Variants in HPSE2 observed in about 807,000 individuals in gnomAD.
HPSE2 encodes heparanase 2 (inactive).
HPSE2 carries 38 observed loss-of-function variants against 60.5 expected under a neutral mutation model. The ratio of observed to expected loss-of-function variants is 0.63; its 90% CI spans 0.48 to 0.82. The LOEUF (loss-of-function observed/expected upper bound fraction) is 0.82. Among genes scored for constraint, HPSE2 ranks in the 40% least tolerant of loss-of-function variants. HPSE2 has a pLI of 0.00. For missense variants in HPSE2, 713 were observed against 740.4 expected, an observed-to-expected ratio of 0.96 and a Z score of 0.43; for synonymous variants, 295 against 293.2, an observed-to-expected ratio of 1.01 and a Z score of -0.06.
chr10:99,180,934 G>C (rs1182100798), intron 2 of HPSE2, among the ~76,000 whole-genome samples: 1 of 149,764 alleles, frequency 6.7e-6, no homozygotes, highest in African/African-American at 2.5e-5. Flanking sequence ...ATGCTGGAGA[G>C]GATGTGGAGA....
At chr10:99,300,988 T>C in the HPSE2 span, among the ~76,000 whole-genome samples, 1 of 152,206 alleles carries the variant, frequency 6.6e-6, no homozygotes, top group Admixed American at 6.5e-5. Flanking sequence ...TATAGATTTG[T>C]TCAGGATCTA....
intron 3 of HPSE2, among the ~76,000 whole-genome samples, chr10:99,120,145 G>A (rs566768584): frequency 6.6e-6 from 1 of 152,232 alleles, no homozygotes; most frequent in South Asian, 2.1e-4. Flanking sequence ...ACTATTAACA[G>A]AGTAAACAGA....
At chr10:98,488,785 T>C (rs1207624842) in intron 10 of HPSE2, among the ~76,000 whole-genome samples, 2 of 152,236 alleles carry the variant, frequency 1.3e-5, no homozygotes, top group Admixed American at 1.3e-4. Context: ...GCAGTCACTC[T>C]CTGTCAGGTA....
intron 3 of HPSE2, among the ~76,000 whole-genome samples, chr10:99,030,888 A>T (rs1319069617): frequency 6.6e-6 from 1 of 152,210 alleles, no homozygotes; most frequent in East Asian, 1.9e-4. Flanking sequence ...CACAGAAGAC[A>T]AACATCGCAT....
chr10:98,676,566 AC>A (rs1947647330), intron 6 of HPSE2, among the ~76,000 whole-genome samples: 1 of 152,146 alleles, frequency 6.6e-6, no homozygotes, highest in Non-Finnish European at 1.5e-5. Context: ...CTAACTGATG[AC>A]CTGCAGTGAA....
intron 3 of HPSE2, among the ~76,000 whole-genome samples, chr10:99,018,884 A>G (rs1321158180): frequency 6.6e-6 from 1 of 152,226 alleles, no homozygotes; most frequent in Non-Finnish European, 1.5e-5. Flanking sequence ...TTTTTAACTA[A>G]AACAGTTTTC....
chr10:98,617,772 C>T (rs1436322892), intron 8 of HPSE2, among the ~76,000 whole-genome samples: 1 of 152,166 alleles, frequency 6.6e-6, no homozygotes, highest in Non-Finnish European at 1.5e-5. Flanking sequence ...TGAATATCTA[C>T]TATGTACCAG....
At chr10:98,734,822 A>G (rs1301325411) in intron 4 of HPSE2, among the ~76,000 whole-genome samples, 1 of 151,768 alleles carries the variant, frequency 6.6e-6, no homozygotes, top group Non-Finnish European at 1.5e-5. Context: ...TTTTATTTTT[A>G]GAGCAATTTT....
At chr10:98,837,545 T>G (rs1463495713) in intron 3 of HPSE2, among the ~76,000 whole-genome samples, 1 of 152,100 alleles carries the variant, frequency 6.6e-6, no homozygotes, top group Non-Finnish European at 1.5e-5. Context: ...TGTGGTTACC[T>G]CAGGAGAGAG....
chr10:99,160,855 C>T (rs1846805769), intron 2 of HPSE2, among the ~76,000 whole-genome samples: 1 of 144,124 alleles, frequency 6.9e-6, no homozygotes, highest in African/African-American at 2.6e-5. Context: ...GCCGAGATCC[C>T]GCCACTGCAC....
intron 9 of HPSE2, among the ~76,000 whole-genome samples, chr10:98,531,964 G>A (rs908507888): frequency 3.3e-5 from 5 of 152,142 alleles, no homozygotes; most frequent in Non-Finnish European, 7.4e-5. Context: ...ATAACTGTTA[G>A]TTGTTTTTTC....
At chr10:98,672,524 T>C (rs946987808) in intron 6 of HPSE2, among the ~76,000 whole-genome samples, 8 of 152,188 alleles carry the variant, frequency 5.3e-5, no homozygotes, top group Non-Finnish European at 8.8e-5. Context: ...CACAGACATG[T>C]AATATAATTT....
the HPSE2 span, among the ~76,000 whole-genome samples, chr10:99,274,010 T>G: frequency 1.3e-5 from 2 of 152,090 alleles, no homozygotes; most frequent in Non-Finnish European, 2.9e-5. Context: ...ATAACTTCCC[T>G]GGTAACATTT....
At chr10:99,097,818 T>G (rs1268011480) in intron 3 of HPSE2, among the ~76,000 whole-genome samples, 5 of 152,178 alleles carry the variant, frequency 3.3e-5, no homozygotes, top group Non-Finnish European at 1.5e-5. Context: ...TTACAGAAAT[T>G]GAATAATATG....
chr10:98,916,075 A>G (rs921657343), intron 3 of HPSE2, among the ~76,000 whole-genome samples: 1 of 152,248 alleles, frequency 6.6e-6, no homozygotes, highest in Non-Finnish European at 1.5e-5. Context: ...AACGGGGATG[A>G]GATATTTTGC....
chr10:98,588,022 T>C (rs544484199), intron 9 of HPSE2, among the ~76,000 whole-genome samples: 48 of 152,352 alleles, frequency 3.2e-4, no homozygotes, highest in South Asian at 1.2e-3. Flanking sequence ...ATTGAGGACA[T>C]CCAAGCTTCT....
Position 99,232,443 on chromosome 10 carries a change from T to C in HPSE2, c.353A>G (p.Lys118Arg). 1 of 1,557,780 alleles carries C rather than the reference T, an allele frequency of 6.4e-7. No individual in the cohort carries two copies. Residue 118 changes from lysine to arginine, a missense_variant, in exon 2 of 12, where the codon AAA becomes AGA. By Grantham distance (26) the Lys-to-Arg change is conservative (BLOSUM62 2). Transcript: ENST00000370552. ...LSPAFLRFGGKRTDFLQFQNL... is the reference protein window; with the variant it reads ...LSPAFLRFGGRRTDFLQFQNL... ...CTGGAACTGCAGGAAGTCGGTCCTT[T>C]TGCCCCCGAAGCGCAGAAAGGCGGG...
intron 3 of HPSE2, among the ~76,000 whole-genome samples, chr10:98,858,537 G>C (rs1414127584): frequency 1.3e-5 from 2 of 152,156 alleles, no homozygotes; most frequent in East Asian, 3.9e-4. Flanking sequence ...AGCAGATTTG[G>C]AGAAGGAACA....
intron 3 of HPSE2, among the ~76,000 whole-genome samples, chr10:98,848,520 G>T (rs929124532): frequency 3.9e-5 from 6 of 152,074 alleles, no homozygotes; most frequent in African/African-American, 1.4e-4. Context: ...TTACTCTTAA[G>T]AAACAATTGT....
Sources: allele counts gnomAD v4.1 joint callset (sites outside exome capture counted in the v4.1 genomes callset), GRCh38; gene constraint gnomAD v4.1.1; transcripts MANE v1.5; gene names NCBI Gene and HGNC (gene_info 2026-07-23, HGNC 2026-07-21).